ZNF670: variants seen among roughly 807,000 people sequenced by gnomAD.
ZNF670 encodes zinc finger protein 670.
ZNF670 carries 7 observed loss-of-function variants against 10.9 expected under a neutral mutation model. The observed-to-expected ratio is 0.64, with a 90% CI of 0.36 to 1.20. ZNF670 has a LOEUF of 1.20. Among genes scored for constraint, ZNF670 ranks in the 50% most tolerant of loss-of-function variants. The pLI is 0.02. For missense variants in ZNF670, 446 were observed against 458.6 expected, an observed-to-expected ratio of 0.97 and a Z score of 0.25; for synonymous variants, 136 against 152.7, an observed-to-expected ratio of 0.89 and a Z score of 0.81.
At chr1:247,043,356 A>G in intron 1 of ZNF670, 1 of 550,830 alleles carries the variant, frequency 1.8e-6, no homozygotes, top group Non-Finnish European at 3.4e-6. Context: ...TGAGTATTTG[A>G]GCCTTGTAAA....
intron 1 of ZNF670, among the ~76,000 whole-genome samples, chr1:247,072,831 T>C (rs12132343): frequency 0.24 from 20,732 of 85,802 alleles, 3,481 homozygotes; most frequent in African/African-American, 0.46. Context: ...TATATATATA[T>C]ATATATATGC....
chr1:247,050,969 G>T (rs185234735), intron 1 of ZNF670, among the ~76,000 whole-genome samples: 4 of 151,838 alleles, frequency 2.6e-5, no homozygotes, highest in African/African-American at 9.7e-5. Context: ...TATGCTTTAA[G>T]GAGGTTCTAT....
chr1:247,038,179 C>A lies in ZNF670; in HGVS notation c.440G>T (p.Gly147Val), dbSNP rs180880168. 5.6e-6 allele frequency: 9 copies of A among 1,614,106 alleles called. No individual in the cohort carries two copies. Among genetic ancestry groups the A allele is most frequent in the Non-Finnish European group, 7.6e-6 (9 of 1,180,006 alleles). ...PEKLYHCKQC[G>V]KAFISLTSVD... ...ACTGGTGAGAGAGATAAAGGCTTTC[C>A]CACATTGTTTGCAATGATATAACTT... Residue 147 changes from glycine (G) to valine (V), a missense_variant, in exon 4 of 4, where the codon GGG becomes GTG. Gly to Val is a moderately radical substitution (Grantham distance 109). Transcript: ENST00000366503.
intron 1 of ZNF670, among the ~76,000 whole-genome samples, chr1:247,040,708 G>A (rs1485855013): frequency 6.6e-6 from 1 of 151,630 alleles, no homozygotes; most frequent in Non-Finnish European, 1.5e-5. Flanking sequence ...TATTTTTTTG[G>A]TGAGATGGAG....
intron 1 of ZNF670, among the ~76,000 whole-genome samples, chr1:247,063,684 T>G (rs7542852): frequency 0.33 from 49,878 of 151,104 alleles, 9,038 homozygotes; most frequent in African/African-American, 0.47. Flanking sequence ...ACTCTGTTTT[T>G]CATACATCTT....
intron 1 of ZNF670, 33 bp downstream of exon 1, chr1:247,078,561 C>G (rs1671310690): frequency 1.2e-6 from 2 of 1,613,596 alleles, no homozygotes; most frequent in South Asian, 1.1e-5. Context: ...GTTCCCTTTT[C>G]CCCTTCCCGA....
At chr1:247,057,530 C>T (rs902970599) in intron 1 of ZNF670, among the ~76,000 whole-genome samples, 1 of 152,144 alleles carries the variant, frequency 6.6e-6, no homozygotes, top group African/African-American at 2.4e-5. Flanking sequence ...GAAAACACAT[C>T]TGAACTCCCA....
chr1:247,076,799 T>C (rs1375982140), intron 1 of ZNF670, among the ~76,000 whole-genome samples: 1 of 152,192 alleles, frequency 6.6e-6, no homozygotes, highest in Non-Finnish European at 1.5e-5. Context: ...TAGCTGGGAT[T>C]ACAGGCATGC....
At chr1:247,072,567 C>T (rs1291332058) in intron 1 of ZNF670, among the ~76,000 whole-genome samples, 1 of 151,338 alleles carries the variant, frequency 6.6e-6, no homozygotes, top group African/African-American at 2.4e-5. Context: ...GGAGGATCAC[C>T]TGAGGTCAGG....
chr1:247,063,751 C>A (rs147398342), intron 1 of ZNF670, among the ~76,000 whole-genome samples: 1 of 151,984 alleles, frequency 6.6e-6, no homozygotes, highest in Non-Finnish European at 1.5e-5. Context: ...AGTGACCCCA[C>A]GGACCACAAC....
chr1:247,074,352 G>A (rs1671204246), intron 1 of ZNF670, among the ~76,000 whole-genome samples: 1 of 151,736 alleles, frequency 6.6e-6, no homozygotes, highest in East Asian at 1.9e-4. Flanking sequence ...GCTGACCTCA[G>A]GGTGAAATGT....
chr1:247,072,365 G>C (rs1671138362), intron 1 of ZNF670, among the ~76,000 whole-genome samples: 1 of 138,890 alleles, frequency 7.2e-6, no homozygotes, highest in Non-Finnish European at 1.6e-5. Flanking sequence ...ATGTTGCCCA[G>C]GCTGGTCTCA....
At chr1:247,049,032 T>G (rs972368974) in intron 1 of ZNF670, among the ~76,000 whole-genome samples, 1 of 152,144 alleles carries the variant, frequency 6.6e-6, no homozygotes, top group African/African-American at 2.4e-5. Flanking sequence ...CATAAAGTTG[T>G]TGAAAGTAGC....
intron 1 of ZNF670, chr1:247,043,757 G>C: frequency 2.6e-6 from 1 of 379,998 alleles, no homozygotes; most frequent in Non-Finnish European, 5.1e-6. Flanking sequence ...AAAACAGGTC[G>C]CATTTCTGTG....
At chr1:247,051,539 T>A (rs180864814) in intron 1 of ZNF670, among the ~76,000 whole-genome samples, 1 of 152,318 alleles carries the variant, frequency 6.6e-6, no homozygotes, top group East Asian at 1.9e-4. Context: ...GCCTCACAGC[T>A]CTTCAGATTC....
intron 1 of ZNF670, among the ~76,000 whole-genome samples, chr1:247,042,438 G>A (rs765179356): frequency 1.6e-4 from 25 of 152,222 alleles, no homozygotes; most frequent in Non-Finnish European, 2.9e-5. Context: ...ATTGACACTT[G>A]TGGATCCATT....
chr1:247,063,271 G>C (rs1323462346), intron 1 of ZNF670, among the ~76,000 whole-genome samples: 1 of 152,120 alleles, frequency 6.6e-6, no homozygotes, highest in Non-Finnish European at 1.5e-5. Context: ...TGGCATTTTG[G>C]AGTGTGAAAA....
intron 1 of ZNF670, among the ~76,000 whole-genome samples, chr1:247,055,988 G>A (rs1300006049): frequency 6.6e-6 from 1 of 151,776 alleles, no homozygotes; most frequent in African/African-American, 2.4e-5. Flanking sequence ...CAATATATAT[G>A]CACTCAATAC....
intron 1 of ZNF670, among the ~76,000 whole-genome samples, chr1:247,048,942 T>G (rs1670524600): frequency 6.6e-6 from 1 of 152,178 alleles, no homozygotes; most frequent in Non-Finnish European, 1.5e-5. Flanking sequence ...TTAGAGTTTC[T>G]ATTTATTTCT....
Sources: gnomAD v4.1 joint callset for allele counts (sites outside exome capture counted in the v4.1 genomes callset) on GRCh38, gnomAD v4.1.1 for gene constraint, MANE v1.5 for transcripts, NCBI Gene and HGNC (gene_info 2026-07-23, HGNC 2026-07-21) for gene names.